The following SRPK2 variants were observed in gnomAD, a reference collection of about 807,000 sequenced individuals.
The protein encoded by SRPK2 is SFRS protein kinase 2.
SRPK2 carries 21 observed loss-of-function variants against 90.8 expected under a neutral mutation model. That is an observed-to-expected ratio of 0.23 (90% CI 0.16 to 0.33). SRPK2 has a LOEUF of 0.33. SRPK2 is among the 10% of genes least tolerant of loss of function. The probability of loss-of-function intolerance (pLI) is 1.00; values close to 1 mark genes in which losing one functional copy is unlikely to be tolerated. For synonymous variants in SRPK2, 288 were observed against 311.1 expected, an observed-to-expected ratio of 0.93 and a Z score of 0.78; for missense variants, 620 against 869.0, an observed-to-expected ratio of 0.71 and a Z score of 3.60.
chr7:105,281,059 CTTTTT>C (rs988088954), intron 2 of SRPK2, among the ~76,000 whole-genome samples: 1 of 143,904 alleles, frequency 6.9e-6, no homozygotes, highest in Non-Finnish European at 1.5e-5. Flanking sequence ...TTTCTTCCTT[CTTTTT>C]TTTCTTTTTG....
At chr7:105,370,764 C>A (rs920592454) in intron 2 of SRPK2, among the ~76,000 whole-genome samples, 3 of 151,814 alleles carry the variant, frequency 2.0e-5, no homozygotes, top group Non-Finnish European at 2.9e-5. Flanking sequence ...TATAGGCGTG[C>A]ACCATCAAGC....
rs1809717536 is a variant in SRPK2, at chr7:105,295,633, T to C, written c.72-91848A>G. 2.0e-5 allele frequency among the ~76,000 whole-genome samples: 3 copies of C among 151,960 alleles called. No individual in the cohort carries two copies. The South Asian group carries it at 6.2e-4, about 32-fold the overall frequency. ...GGGGCCAGGAAGGGAAAATGGGGAG[T>C]TGCTGTTTAATGGGTACAGAGTTTC... On this transcript the variant is annotated intron_variant, in intron 2 of 15. Transcript: ENST00000393651.
At chr7:105,208,963 A>G in intron 2 of SRPK2, among the ~76,000 whole-genome samples, 1 of 152,022 alleles carries the variant, frequency 6.6e-6, no homozygotes, top group Non-Finnish European at 1.5e-5. Context: ...CTCTACAAAA[A>G]CAACAATAAA....
chr7:105,189,085 C>T (rs1301003952), intron 3 of SRPK2: 1 of 152,798 alleles, frequency 6.5e-6, no homozygotes, highest in Non-Finnish European at 1.5e-5. Context: ...TGCCAAGGGG[C>T]TCAGTACTTC....
chr7:105,153,382 G>A (rs1253003920), intron 7 of SRPK2, among the ~76,000 whole-genome samples: 1 of 152,106 alleles, frequency 6.6e-6, no homozygotes, highest in African/African-American at 2.4e-5. Flanking sequence ...GGTTAAAATG[G>A]TCTCAAAGCT....
chr7:105,149,146 G>GA (rs1018922057), intron 7 of SRPK2, among the ~76,000 whole-genome samples: 4 of 152,154 alleles, frequency 2.6e-5, no homozygotes, highest in African/African-American at 9.7e-5. Context: ...TGAGATAGAG[G>GA]AAGGCCACTG....
At chr7:105,295,661 T>C (rs922729497) in intron 2 of SRPK2, among the ~76,000 whole-genome samples, 2 of 152,192 alleles carry the variant, frequency 1.3e-5, no homozygotes, top group Non-Finnish European at 2.9e-5. Flanking sequence ...AGAGTTTCTG[T>C]TTGAAATGAA....
chr7:105,292,732 C>T (rs1380591847), intron 2 of SRPK2, among the ~76,000 whole-genome samples: 1 of 152,122 alleles, frequency 6.6e-6, no homozygotes, highest in East Asian at 1.9e-4. Context: ...GTGTACCCTT[C>T]TAATTGGCTG....
chr7:105,256,888 C>G (rs1322917695), intron 2 of SRPK2, among the ~76,000 whole-genome samples: 1 of 152,168 alleles, frequency 6.6e-6, no homozygotes, highest in Non-Finnish European at 1.5e-5. Context: ...TGTTTGTAAC[C>G]TCTTTACCAT....
intron 2 of SRPK2, among the ~76,000 whole-genome samples, chr7:105,274,612 T>C (rs892444640): frequency 1.3e-5 from 2 of 149,046 alleles, no homozygotes; most frequent in Non-Finnish European, 1.5e-5. Flanking sequence ...CAGAGAGCCA[T>C]CTATGTGCGT....
intron 11 of SRPK2, among the ~76,000 whole-genome samples, chr7:105,141,176 C>T (rs933018375): frequency 5.3e-5 from 8 of 152,250 alleles, no homozygotes; most frequent in South Asian, 2.1e-4. Flanking sequence ...ATAGCCAGTG[C>T]GTAACAAAGC....
At chr7:105,289,496 C>A (rs1259157268) in intron 2 of SRPK2, among the ~76,000 whole-genome samples, 1 of 152,092 alleles carries the variant, frequency 6.6e-6, no homozygotes, top group Non-Finnish European at 1.5e-5. Context: ...ATTAAGTGTG[C>A]GGCAGCACTC....
chr7:105,390,297 T>C (rs577851104), upstream of SRPK2, among the ~76,000 whole-genome samples: 1 of 152,294 alleles, frequency 6.6e-6, no homozygotes, highest in East Asian at 1.9e-4. Flanking sequence ...CCCAGTAATA[T>C]CCCTTGTCGC....
rs191277279 is a variant in SRPK2, at chr7:105,150,825, G to T, written c.622-4167C>A. Reference sequence around the variant, plus strand: ...GAAAAATCGTTTTCCAACTAAAATTGTATTTCGGTATCAAATACTATCTCA... The same window carrying T: ...GAAAAATCGTTTTCCAACTAAAATTTTATTTCGGTATCAAATACTATCTCA... On this transcript the variant is annotated intron_variant, in intron 7 of 15. Coordinates refer to ENST00000393651, the MANE Select transcript of SRPK2 (RefSeq NM_182692.3). 7.3e-3 allele frequency among the ~76,000 whole-genome samples: 1,115 copies of T among 152,292 alleles called. 8 individuals carry two copies. The highest frequency in any genetic ancestry group is 0.014 in the Non-Finnish European group (954 of 68,016).
chr7:105,388,443 G>A (rs1194362588), intron 2 of SRPK2, among the ~76,000 whole-genome samples: 1 of 147,752 alleles, frequency 6.8e-6, no homozygotes, highest in African/African-American at 2.4e-5. Context: ...CGTGATGCTA[G>A]GGAACCGGCC....
intron 2 of SRPK2, among the ~76,000 whole-genome samples, chr7:105,290,974 C>A (rs1273582910): frequency 7.0e-6 from 1 of 142,414 alleles, no homozygotes; most frequent in African/African-American, 2.6e-5. Flanking sequence ...GGAAGCGGAG[C>A]TTGCAGTGAG....
At chr7:105,362,456 G>T (rs991924902) in intron 2 of SRPK2, among the ~76,000 whole-genome samples, 8 of 149,944 alleles carry the variant, frequency 5.3e-5, no homozygotes, top group Admixed American at 1.3e-4. Flanking sequence ...GGCAGAGCTT[G>T]TAGTGAGCTG....
chr7:105,145,295 T>A lies in SRPK2; in HGVS notation c.801A>T (p.Pro267=). Residue 267 remains proline (P), a synonymous_variant, in exon 9 of 16, where the codon CCA becomes CCT. Transcript: ENST00000393651. ...PPSGSAVSTA[P]QQKPIGKISK... is the part of the protein sequence containing the mutation. ...CGTAAGTACTTACAGGTTTCTGCTG[T>A]GGAGCCGTACTCACTAAAATAAAAT... is the stretch of plus-strand genomic sequence containing the variant. 1 of 1,594,224 alleles carries A rather than the reference T, an allele frequency of 6.3e-7. No individual in the cohort carries two copies. Among genetic ancestry groups the A allele is most frequent in the South Asian group, 1.2e-5 (1 of 86,266 alleles).
At chr7:105,333,773 T>C (rs1388918592) in intron 2 of SRPK2, among the ~76,000 whole-genome samples, 1 of 152,204 alleles carries the variant, frequency 6.6e-6, no homozygotes, top group African/African-American at 2.4e-5. Context: ...TTATGTACCA[T>C]TTACCAAACA....
Sources: gnomAD v4.1 joint callset for allele counts (sites outside exome capture counted in the v4.1 genomes callset) on GRCh38, gnomAD v4.1.1 for gene constraint, MANE v1.5 for transcripts, NCBI Gene and HGNC (gene_info 2026-07-23, HGNC 2026-07-21) for gene names.